The following ADGRV1 variants were observed in gnomAD, a reference collection of about 807,000 sequenced individuals.
The protein encoded by ADGRV1 is G-protein coupled receptor 98.
In ADGRV1, 359 loss-of-function variants were observed where a neutral mutation model predicts 596.2. That is an observed-to-expected ratio of 0.60 (90% confidence interval 0.55 to 0.66). The LOEUF (loss-of-function observed/expected upper bound fraction) is 0.66. Ranked by LOEUF, ADGRV1 falls within the 30% of genes least tolerant of loss-of-function variation. The probability of loss-of-function intolerance (pLI) is 0.00; values close to 1 mark genes in which losing one functional copy is unlikely to be tolerated. For synonymous variants in ADGRV1, 2,681 were observed against 2,679.2 expected (o/e 1.00, Z -0.02); for missense variants, 7,274 against 7,575.6 (o/e 0.96, Z 1.48).
chr5:91,137,740 A>G (rs1474201660), intron 87 of ADGRV1, among the ~76,000 whole-genome samples: 6 of 152,222 alleles, frequency 3.9e-5, no homozygotes, highest in Non-Finnish European at 8.8e-5. Flanking sequence ...GTAGAATTCC[A>G]ATCATTAGAC....
intron 86 of ADGRV1, among the ~76,000 whole-genome samples, chr5:91,074,507 C>T (rs991613403): frequency 2.0e-5 from 3 of 152,118 alleles, no homozygotes; most frequent in South Asian, 4.1e-4. Context: ...GAGATGATCT[C>T]GGTTTTTTAT....
intron 85 of ADGRV1, among the ~76,000 whole-genome samples, chr5:91,045,700 G>A: frequency 6.6e-6 from 1 of 152,018 alleles, no homozygotes; most frequent in East Asian, 1.9e-4. Flanking sequence ...AAAGAAATAA[G>A]GGCATCCAAA....
chr5:90,665,016 A>G (rs930438163), intron 21 of ADGRV1, among the ~76,000 whole-genome samples: 4 of 151,858 alleles, frequency 2.6e-5, no homozygotes, highest in African/African-American at 9.7e-5. Context: ...TCGGTTTGCC[A>G]GTATTTTATT....
intron 77 of ADGRV1, among the ~76,000 whole-genome samples, chr5:90,839,240 A>C (rs558441172): frequency 7.4e-4 from 113 of 151,996 alleles, no homozygotes; most frequent in African/African-American, 2.7e-3. Flanking sequence ...TTTGAGATGG[A>C]GTCTCACTCT....
rs962074537 is a variant in ADGRV1 at position 90,798,777 on chromosome 5, C to A, written c.14518-3962C>A. ...GGATGCAAGGCTGGTTCAACATATG[C>A]AAATCATTAAAAGTAATCCATCACA... On this transcript the variant is annotated intron_variant, in intron 70 of 89. Transcript: ENST00000405460. 3.3e-5 allele frequency among the ~76,000 whole-genome samples: 5 copies of A among 152,150 alleles called. No homozygotes were observed. The East Asian group carries it at 9.6e-4, about 29-fold the overall frequency.
intron 50 of ADGRV1, among the ~76,000 whole-genome samples, chr5:90,731,711 T>C (rs1298986951): frequency 2.0e-5 from 3 of 152,234 alleles, no homozygotes; most frequent in African/African-American, 7.2e-5. Flanking sequence ...TGGCCTGGAA[T>C]GGCAGGCACA....
chr5:90,856,533 A>ATCTGAGAATTCCTTAAACTATAAT (rs1257385868), intron 82 of ADGRV1, among the ~76,000 whole-genome samples: 1 of 152,176 alleles, frequency 6.6e-6, no homozygotes, highest in African/African-American at 2.4e-5. Flanking sequence ...ATGGTCGGGC[A>ATCTGAGAATTCCTTAAACTATAAT]TCTGAGAATT....
intron 1 of ADGRV1, among the ~76,000 whole-genome samples, chr5:90,607,461 G>T (rs2152035903): frequency 6.6e-6 from 1 of 152,202 alleles, no homozygotes; most frequent in East Asian, 1.9e-4. Flanking sequence ...ATGATGATGT[G>T]AGCCGTGTTT....
At chr5:90,715,609 G>T (rs1749985329) in intron 42 of ADGRV1, among the ~76,000 whole-genome samples, 2 of 151,296 alleles carry the variant, frequency 1.3e-5, no homozygotes, top group African/African-American at 4.8e-5. Context: ...TTTTACATTA[G>T]GCTAATTTCT....
intron 85 of ADGRV1, among the ~76,000 whole-genome samples, chr5:91,046,352 G>A (rs1785807741): frequency 6.6e-6 from 1 of 152,030 alleles, no homozygotes; most frequent in Non-Finnish European, 1.5e-5. Context: ...AGAGAACCTA[G>A]AAATAAAGTC....
chr5:90,932,760 T>TA (rs972952066), intron 83 of ADGRV1, among the ~76,000 whole-genome samples: 1 of 151,784 alleles, frequency 6.6e-6, no homozygotes, highest in Non-Finnish European at 1.5e-5. Flanking sequence ...GCTTTCAGAT[T>TA]AAAAAAAATC....
At chr5:90,669,544 T>C (rs1376252749) in intron 21 of ADGRV1, among the ~76,000 whole-genome samples, 1 of 152,214 alleles carries the variant, frequency 6.6e-6, no homozygotes, top group Non-Finnish European at 1.5e-5. Flanking sequence ...ACAATAGATA[T>C]GGCATATTAT....
At chr5:91,094,315 T>G (rs943889862) in intron 86 of ADGRV1, among the ~76,000 whole-genome samples, 4 of 151,650 alleles carry the variant, frequency 2.6e-5, no homozygotes, top group African/African-American at 9.7e-5. Flanking sequence ...AAAAATTAGC[T>G]GGGCGTGGTG....
intron 5 of ADGRV1, among the ~76,000 whole-genome samples, chr5:90,624,141 AG>A (rs1440159765): frequency 1.5e-4 from 23 of 152,328 alleles, no homozygotes; most frequent in African/African-American, 5.5e-4. Context: ...ATCATATGGT[AG>A]TTATGTTAAC....
At chr5:90,564,960 C>T (rs1483639998) in intron 1 of ADGRV1, among the ~76,000 whole-genome samples, 1 of 150,842 alleles carries the variant, frequency 6.6e-6, no homozygotes, top group East Asian at 2.1e-4. Flanking sequence ...GTGGCCTGGG[C>T]GTGGTGGCTC....
chr5:90,693,410 A>T (rs1746747837), intron 32 of ADGRV1, among the ~76,000 whole-genome samples: 1 of 152,056 alleles, frequency 6.6e-6, no homozygotes, highest in Admixed American at 6.6e-5. Context: ...CTATATAAAT[A>T]GTTGCTATAC....
At chr5:91,079,012 G>A (rs568533705) in intron 86 of ADGRV1, among the ~76,000 whole-genome samples, 1 of 152,172 alleles carries the variant, frequency 6.6e-6, no homozygotes, top group Admixed American at 6.5e-5. Flanking sequence ...AATAAAAATG[G>A]GAAAACATGA....
chr5:91,159,417 T>C (rs1796754911), intron 89 of ADGRV1, among the ~76,000 whole-genome samples: 1 of 152,206 alleles, frequency 6.6e-6, no homozygotes, highest in Admixed American at 6.5e-5. Context: ...TATATTAAAA[T>C]TGTTTGATCT....
intron 76 of ADGRV1, among the ~76,000 whole-genome samples, chr5:90,826,789 A>G (rs1016565124): frequency 3.9e-5 from 6 of 152,120 alleles, no homozygotes; most frequent in Non-Finnish European, 5.9e-5. Context: ...AATCCAGTCT[A>G]TTGGCACTCA....
Sources: gnomAD v4.1 joint callset for allele counts (sites outside exome capture counted in the v4.1 genomes callset) on GRCh38, gnomAD v4.1.1 for gene constraint, MANE v1.5 for transcripts, NCBI Gene and HGNC (gene_info 2026-07-23, HGNC 2026-07-21) for gene names.